Variants in EXOC6B observed in about 807,000 individuals in gnomAD.
EXOC6B encodes SEC15 homolog B.
A neutral mutation model predicts 113.5 loss-of-function variants in EXOC6B; 54 were observed. That is an observed-to-expected ratio of 0.48 (90% CI 0.38 to 0.60). The LOEUF (loss-of-function observed/expected upper bound fraction) is 0.60. Among genes scored for constraint, EXOC6B ranks in the 20% least tolerant of loss-of-function variants. The probability of loss-of-function intolerance (pLI) is 0.00; values close to 1 mark genes in which losing one functional copy is unlikely to be tolerated. For missense variants in EXOC6B, 797 were observed against 977.5 expected, an observed-to-expected ratio of 0.82 and a Z score of 2.46; for synonymous variants, 357 against 339.0, an observed-to-expected ratio of 1.05 and a Z score of -0.58.
At chr2:72,502,561 A>C (rs1208695437) in intron 11 of EXOC6B, among the ~76,000 whole-genome samples, 1 of 152,134 alleles carries the variant, frequency 6.6e-6, no homozygotes, top group Non-Finnish European at 1.5e-5. Flanking sequence ...AATATAAATA[A>C]AAATAAATAC....
intron 1 of EXOC6B, among the ~76,000 whole-genome samples, chr2:72,784,113 A>T (rs572550264): frequency 1.3e-5 from 2 of 152,260 alleles, no homozygotes; most frequent in Non-Finnish European, 1.5e-5. Context: ...CCTTTCCCCA[A>T]TGTATGCTTT....
chr2:72,266,168 G>A (rs1425020697), intron 20 of EXOC6B, among the ~76,000 whole-genome samples: 3 of 151,940 alleles, frequency 2.0e-5, no homozygotes, highest in Non-Finnish European at 2.9e-5. Context: ...TTTGCCAGAT[G>A]AGTAGGTTGC....
chr2:72,766,151 C>T (rs1026402296), intron 1 of EXOC6B, among the ~76,000 whole-genome samples: 4 of 152,180 alleles, frequency 2.6e-5, no homozygotes, highest in African/African-American at 9.7e-5. Context: ...GTCATCACTC[C>T]AGGCTCTTTG....
intron 19 of EXOC6B, among the ~76,000 whole-genome samples, chr2:72,335,625 C>T (rs1340333043): frequency 2.0e-5 from 3 of 149,054 alleles, no homozygotes; most frequent in Non-Finnish European, 3.0e-5. Flanking sequence ...TATCCCAATC[C>T]ATGACTTGGC....
chr2:72,499,466 AG>A (rs930875712), intron 12 of EXOC6B, among the ~76,000 whole-genome samples: 15 of 151,860 alleles, frequency 9.9e-5, no homozygotes, highest in Non-Finnish European at 1.5e-4. Context: ...CCTGACCTCA[AG>A]TGATCCGCCT....
At chr2:72,553,312 T>C (rs958455046) in intron 8 of EXOC6B, among the ~76,000 whole-genome samples, 1 of 152,116 alleles carries the variant, frequency 6.6e-6, no homozygotes, top group African/African-American at 2.4e-5. Context: ...AATTAAATAA[T>C]TTAAAAGATC....
At chr2:72,413,163 A>G (rs543924227) in intron 18 of EXOC6B, among the ~76,000 whole-genome samples, 3 of 151,436 alleles carry the variant, frequency 2.0e-5, no homozygotes, top group South Asian at 2.1e-4. Context: ...GGGTTTCACC[A>G]TGTTAGCCAG....
At chr2:72,276,983 T>G (rs545476718) in intron 20 of EXOC6B, among the ~76,000 whole-genome samples, 1 of 152,180 alleles carries the variant, frequency 6.6e-6, no homozygotes, top group Non-Finnish European at 1.5e-5. Flanking sequence ...TGTTCACTCA[T>G]TCCTTCTTCA....
At chr2:72,690,134 T>C (rs971899863) in intron 6 of EXOC6B, among the ~76,000 whole-genome samples, 8 of 152,222 alleles carry the variant, frequency 5.3e-5, no homozygotes, top group African/African-American at 1.9e-4. Context: ...ATGTCAATAA[T>C]AACATAAAAC....
At chr2:72,200,487 C>T (rs1050610203) in intron 20 of EXOC6B, among the ~76,000 whole-genome samples, 3 of 152,056 alleles carry the variant, frequency 2.0e-5, no homozygotes, top group Non-Finnish European at 4.4e-5. Context: ...ATTACAGGCA[C>T]AAGCCACTGT....
chr2:72,639,530 T>G (rs1376075983), intron 6 of EXOC6B, among the ~76,000 whole-genome samples: 1 of 152,204 alleles, frequency 6.6e-6, no homozygotes, highest in East Asian at 1.9e-4. Flanking sequence ...CCACTACTGC[T>G]GCTGCTGCCA....
chr2:72,712,125 CAG>C (rs1679311679), intron 6 of EXOC6B, among the ~76,000 whole-genome samples: 1 of 152,120 alleles, frequency 6.6e-6, no homozygotes, highest in Middle Eastern at 3.2e-3. Flanking sequence ...GGAAGAAAGA[CAG>C]AAGACTGAGA....
chr2:72,513,928 A>T (rs1477663804), intron 10 of EXOC6B, among the ~76,000 whole-genome samples: 1 of 152,130 alleles, frequency 6.6e-6, no homozygotes, highest in African/African-American at 2.4e-5. Context: ...ACATTGAAAC[A>T]ATTTAAATCT....
At chr2:72,420,845 T>A (rs538935131) in intron 18 of EXOC6B, among the ~76,000 whole-genome samples, 9 of 152,310 alleles carry the variant, frequency 5.9e-5, no homozygotes, top group African/African-American at 1.4e-4. Flanking sequence ...TAATTTACAC[T>A]CCCACCAACA....
At chr2:72,758,562 G>T (rs1176614870) in intron 1 of EXOC6B, among the ~76,000 whole-genome samples, 1 of 152,136 alleles carries the variant, frequency 6.6e-6, no homozygotes, top group Non-Finnish European at 1.5e-5. Context: ...ACAATTTTGT[G>T]TGTTTTTTCT....
At chr2:72,794,690 C>T (rs1684850466) in intron 1 of EXOC6B, among the ~76,000 whole-genome samples, 1 of 152,076 alleles carries the variant, frequency 6.6e-6, no homozygotes, top group Admixed American at 6.5e-5. Flanking sequence ...GTGATAGAAA[C>T]AAGGAATTCA....
intron 2 of EXOC6B, among the ~76,000 whole-genome samples, chr2:72,738,510 C>T (rs1681105868): frequency 6.6e-6 from 1 of 152,176 alleles, no homozygotes; most frequent in Admixed American, 6.5e-5. Context: ...AATGTGTACA[C>T]TTCAAAACTG....
At chr2:72,257,318 C>T (rs1162587475) in intron 20 of EXOC6B, among the ~76,000 whole-genome samples, 2 of 152,124 alleles carry the variant, frequency 1.3e-5, no homozygotes, top group African/African-American at 4.8e-5. Context: ...GTTAAAACAA[C>T]AACAACAACT....
intron 20 of EXOC6B, among the ~76,000 whole-genome samples, chr2:72,299,118 C>T (rs550444063): frequency 1.4e-4 from 22 of 152,238 alleles, no homozygotes; most frequent in Non-Finnish European, 2.6e-4. Flanking sequence ...CTTACAGGTA[C>T]ACCAATCAGA....
Sources: gnomAD v4.1 joint callset for allele counts (sites outside exome capture counted in the v4.1 genomes callset) on GRCh38, gnomAD v4.1.1 for gene constraint, MANE v1.5 for transcripts, NCBI Gene and HGNC (gene_info 2026-07-23, HGNC 2026-07-21) for gene names.